The following PRKN variants were observed in gnomAD, a reference collection of about 807,000 sequenced individuals.
The protein encoded by PRKN is parkin RBR E3 ubiquitin protein ligase, also known as E3 ubiquitin-protein ligase parkin.
PRKN carries 56 observed loss-of-function variants against 59.5 expected under a neutral mutation model. That is an observed-to-expected ratio of 0.94 (90% CI 0.76 to 1.18). The LOEUF is 1.18. Ranked by LOEUF, PRKN falls within the 50% of genes most tolerant of loss-of-function variation. The pLI is 0.00. For missense variants in PRKN, 657 were observed against 596.4 expected, an observed-to-expected ratio of 1.10 and a Z score of -1.06; for synonymous variants, 250 against 222.1, an observed-to-expected ratio of 1.13 and a Z score of -1.12.
intron 3 of PRKN, among the ~76,000 whole-genome samples, chr6:162,203,840 T>C (rs1784832372): frequency 6.6e-6 from 1 of 152,206 alleles, no homozygotes; most frequent in Non-Finnish European, 1.5e-5. Context: ...TCCCAATAAC[T>C]AAAGTAGCTT....
intron 2 of PRKN, among the ~76,000 whole-genome samples, chr6:162,273,405 G>C (rs1009063108): frequency 1.3e-5 from 2 of 152,112 alleles, no homozygotes; most frequent in Non-Finnish European, 2.9e-5. Flanking sequence ...GAAACATATT[G>C]AGCTGACAAT....
chr6:162,239,859 C>G (rs1290775332), intron 3 of PRKN, among the ~76,000 whole-genome samples: 2 of 151,880 alleles, frequency 1.3e-5, no homozygotes, highest in African/African-American at 4.8e-5. Context: ...TACAACTTAG[C>G]TGTCTTAAAA....
intron 9 of PRKN, among the ~76,000 whole-genome samples, chr6:161,517,655 G>C (rs1011467558): frequency 1.4e-5 from 2 of 144,144 alleles, no homozygotes; most frequent in Non-Finnish European, 3.0e-5. Flanking sequence ...CAGGAGAATG[G>C]TGTGAACCTG....
chr6:161,374,573 A>T (rs1376619643), intron 10 of PRKN, among the ~76,000 whole-genome samples: 18 of 12,768 alleles, frequency 1.4e-3, no homozygotes, highest in South Asian at 4.0e-3. Flanking sequence ...TGGTGTGTGT[A>T]ATGGGTGTGT....
chr6:161,989,568 A>G (rs574432767), intron 5 of PRKN, among the ~76,000 whole-genome samples: 2 of 152,036 alleles, frequency 1.3e-5, no homozygotes, highest in African/African-American at 4.8e-5. Context: ...GCACCCAAGC[A>G]TGCTATATGG....
chr6:162,142,849 A>G (rs6916526), intron 4 of PRKN, among the ~76,000 whole-genome samples: 2,049 of 152,346 alleles, frequency 0.013, 56 homozygotes, highest in African/African-American at 0.046. Context: ...GAAATTGGAA[A>G]CAGGTAAATA....
chr6:161,663,896 G>A (rs940232353), intron 7 of PRKN, among the ~76,000 whole-genome samples: 2 of 152,206 alleles, frequency 1.3e-5, no homozygotes, highest in Non-Finnish European at 1.5e-5. Flanking sequence ...TGCACATGGG[G>A]GAGTGGCTTG....
At position 162,320,960 on chromosome 6, in the gene PRKN, TCA is replaced by T; in HGVS notation, c.172-58197_172-58196del. 2.0e-5 allele frequency among the ~76,000 whole-genome samples: 3 copies of T among 151,522 alleles called. 1 individual carries two copies. The Middle Eastern group carries it at 0.01, about 515-fold the overall frequency. ...TTCCAATTGTCTTCACATTCCACCT[TCA>T]CAAACAAAAAATGAAGAGCAAATGA... is the stretch of plus-strand genomic sequence containing the variant. On this transcript the variant is annotated intron_variant, in intron 2 of 11. Transcript: ENST00000366898.
intron 2 of PRKN, among the ~76,000 whole-genome samples, chr6:162,339,082 G>A (rs1367474695): frequency 6.7e-6 from 1 of 148,556 alleles, no homozygotes; most frequent in Non-Finnish European, 1.5e-5. Context: ...GAAGTGAGGA[G>A]CCCCTCCGAC....
intron 2 of PRKN, among the ~76,000 whole-genome samples, chr6:162,278,796 C>T (rs995226863): frequency 6.6e-6 from 1 of 151,952 alleles, no homozygotes; most frequent in Non-Finnish European, 1.5e-5. Flanking sequence ...AACAAAATGT[C>T]AGTCTATCTG....
At chr6:162,349,434 T>G (rs369517115) in intron 2 of PRKN, among the ~76,000 whole-genome samples, 2 of 152,074 alleles carry the variant, frequency 1.3e-5, no homozygotes, top group African/African-American at 4.8e-5. Context: ...GCCACTGCAC[T>G]CCAACCTGGG....
intron 7 of PRKN, among the ~76,000 whole-genome samples, chr6:161,634,049 C>T (rs1280995182): frequency 1.3e-5 from 2 of 150,814 alleles, no homozygotes; most frequent in Non-Finnish European, 2.9e-5. Flanking sequence ...TCCCCCACCC[C>T]CTAAAACCCA....
intron 7 of PRKN, among the ~76,000 whole-genome samples, chr6:161,668,267 A>C (rs1362829282): frequency 1.1e-5 from 1 of 92,720 alleles, no homozygotes; most frequent in Non-Finnish European, 2.6e-5. Context: ...TCATATAAAG[A>C]AAAAAAAAAA....
At chr6:161,795,735 T>G (rs1246822663) in intron 6 of PRKN, among the ~76,000 whole-genome samples, 1 of 152,060 alleles carries the variant, frequency 6.6e-6, no homozygotes, top group Admixed American at 6.6e-5. Context: ...AAGAGGCCAC[T>G]CAGTCCAATG....
rs1331489074 is a variant in PRKN, at chr6:161,419,218, C to A, written c.1084-32341G>T. Among the ~76,000 whole-genome samples the A allele has an allele frequency of 1.3e-5, 2 of 152,062 alleles. No individual in the cohort carries two copies. Among genetic ancestry groups the A allele is most frequent in the East Asian group, 3.9e-4 (2 of 5,188 alleles). The stretch of plus-strand genomic sequence containing the variant: ...TTCTTGTGCGTGATCTCACCTGTTC[C>A]CCCACTTATGTGACCATTTTACAAT... On this transcript the variant is annotated intron_variant, in intron 9 of 11. Coordinates refer to ENST00000366898, the MANE Select transcript of PRKN (RefSeq NM_004562.3). The surrounding 1 kb of genome is among the most constrained non-coding windows in gnomAD (Gnocchi z 4.1).
At chr6:161,809,741 C>T (rs1158008276) in intron 6 of PRKN, among the ~76,000 whole-genome samples, 1 of 152,076 alleles carries the variant, frequency 6.6e-6, no homozygotes. Context: ...GCACCCTTCA[C>T]ACTGAAAAAC....
rs1582984397 is a variant in PRKN, at chr6:161,371,320, A to G, written c.1168-11115T>C. Among the ~76,000 whole-genome samples the G allele has an allele frequency of 6.6e-6, 1 of 151,262 alleles. No individual in the cohort carries two copies. The highest frequency in any genetic ancestry group is 2.4e-5 in the African/African-American group (1 of 41,162). On this transcript the variant is annotated intron_variant, in intron 10 of 11. Coordinates refer to ENST00000366898, the MANE Select transcript of PRKN (RefSeq NM_004562.3). The surrounding 1 kb of genome is among the most constrained non-coding windows in gnomAD (Gnocchi z 5.5). ...GCTGGGGTTACAGGTGCCTGCTACC[A>G]CACCCGGCTACTTGGGAGGCTGAGG...
chr6:161,965,436 T>C (rs908227390), intron 6 of PRKN, among the ~76,000 whole-genome samples: 2 of 152,076 alleles, frequency 1.3e-5, no homozygotes, highest in African/African-American at 4.8e-5. Flanking sequence ...TTTTTCGGTC[T>C]GCTTCAGCTT....
intron 1 of PRKN, among the ~76,000 whole-genome samples, chr6:162,690,185 C>T (rs1275641013): frequency 6.6e-6 from 1 of 151,882 alleles, no homozygotes; most frequent in African/African-American, 2.4e-5. Context: ...CTCGCTTTAG[C>T]TAAAAACAGT....
Sources: allele counts gnomAD v4.1 joint callset (sites outside exome capture counted in the v4.1 genomes callset), GRCh38; gene constraint gnomAD v4.1.1; non-coding constraint Gnocchi (gnomAD v3.1); transcripts MANE v1.5; gene names NCBI Gene and HGNC (gene_info 2026-07-23, HGNC 2026-07-21).